The following FBXO9 variants were observed in gnomAD, a reference collection of about 807,000 sequenced individuals.
The protein encoded by FBXO9 is F-box protein 9, also known as F-box only protein 9.
FBXO9 carries 43 observed loss-of-function variants against 63.7 expected under a neutral mutation model. The observed-to-expected ratio is 0.67, with a 90% CI of 0.53 to 0.87. FBXO9 has a LOEUF of 0.87. Among genes scored for constraint, FBXO9 ranks in the 40% least tolerant of loss-of-function variants. FBXO9 has a pLI of 0.00. For missense variants in FBXO9, 442 were observed against 533.2 expected (o/e 0.83, Z 1.68); for synonymous variants, 156 against 171.7 (o/e 0.91, Z 0.72).
Position 53,076,518 on chromosome 6 carries a change from A to T in FBXO9, c.282A>T (p.Glu94Asp). 1 of 1,547,954 alleles carries T rather than the reference A, an allele frequency of 6.5e-7. No individual in the cohort carries two copies. The highest frequency in any genetic ancestry group is 1.3e-5 in the South Asian group (1 of 77,728). The change falls in exon 4 of 13, where the codon GAA becomes GAT. Residue 94 changes from glutamate to aspartate, a missense_variant. Physicochemically the swap from Glu to Asp is conservative, Grantham distance 45. Around this residue, in one of 2 missense-constraint regions of FBXO9, gnomAD observed 180 missense variants for 171.1 expected, o/e 1.05. Transcript: ENST00000323557. ...AACTCTTCCTAAAAGCAGTAGAAGA[A>T]GAACAAAATGGAGCTCTCTATGAAG... The part of the protein sequence containing the change: ...ARELFLKAVE[E>D]EQNGALYEAI...
chr6:53,097,238 TAAG>T (rs988721138), intron 12 of FBXO9, among the ~76,000 whole-genome samples: 3 of 152,320 alleles, frequency 2.0e-5, no homozygotes, highest in South Asian at 2.1e-4. Context: ...TGAAACATTT[TAAG>T]AAGAACCTAA....
At position 53,086,207 on chromosome 6, in the gene FBXO9, G is replaced by A. The variant is rs527985215; in HGVS notation, c.653+3589G>A. 2.6e-5 allele frequency among the ~76,000 whole-genome samples: 4 copies of A among 152,270 alleles called. No homozygotes were observed. The East Asian group carries it at 7.7e-4, about 29-fold the overall frequency. Reference sequence around the variant, plus strand: ...TTTTAGATTGGAAAGCCTTAATTTAGGATCTTGACTCTGGGGAAACCTGCC... The same window carrying A: ...TTTTAGATTGGAAAGCCTTAATTTAAGATCTTGACTCTGGGGAAACCTGCC... On this transcript the variant is annotated intron_variant, in intron 7 of 12. Transcript: ENST00000323557.
Position 53,078,825 on chromosome 6 carries a change from C to G in FBXO9, c.334C>G (p.Gln112Glu). 6.2e-7 allele frequency: 1 copy of G among 1,613,396 alleles called. No individual in the cohort carries two copies. The highest frequency in any genetic ancestry group is 8.5e-7 in the Non-Finnish European group (1 of 1,179,454). ...CATCAAGTTTTATCGTAGGGCTATG[C>G]AACTTGTACCTGATATAGAGTTCAA... Reference protein sequence around the residue: ...EAIKFYRRAMQLVPDIEFKIT... With the variant: ...EAIKFYRRAMELVPDIEFKIT... Residue 112 changes from glutamine (Q) to glutamate (E), a missense_variant, in exon 5 of 13, where the codon CAA (glutamine) becomes GAA (glutamate). By Grantham distance (29) the Gln-to-Glu change is conservative. Transcript: ENST00000323557.
intron 7 of FBXO9, among the ~76,000 whole-genome samples, chr6:53,088,345 AATG>A (rs1387697012): frequency 6.6e-6 from 1 of 152,206 alleles, no homozygotes. Context: ...CAGGTTTTTG[AATG>A]ATGATAATTT....
At chr6:53,096,662 T>TG (rs1436537110) in intron 12 of FBXO9, among the ~76,000 whole-genome samples, 1 of 152,164 alleles carries the variant, frequency 6.6e-6, no homozygotes, top group Non-Finnish European at 1.5e-5. Context: ...CCCAGGACTT[T>TG]GGGGGGCCAA....
chr6:53,086,440 A>AT (rs938204359), intron 7 of FBXO9, among the ~76,000 whole-genome samples: 2 of 150,760 alleles, frequency 1.3e-5, no homozygotes, highest in Non-Finnish European at 3.0e-5. Context: ...AAAACAATAA[A>AT]TTTTTTTTTT....
At chr6:53,068,975 A>G (rs939965463) in intron 1 of FBXO9, among the ~76,000 whole-genome samples, 1 of 152,132 alleles carries the variant, frequency 6.6e-6, no homozygotes, top group Non-Finnish European at 1.5e-5. Flanking sequence ...TAAGTGATCC[A>G]TGAAGCAAAA....
intron 10 of FBXO9, 44 bp from the exon 11 acceptor site, chr6:53,093,841 C>T (rs1467822243): frequency 2.9e-6 from 4 of 1,392,296 alleles, no homozygotes; most frequent in Non-Finnish European, 3.9e-6. Flanking sequence ...TACTTAAATC[C>T]ACTTAATAAC....
chr6:53,098,480 C>T lies in FBXO9; in HGVS notation c.*650C>T, dbSNP rs1452195983. ...CTCTAGCTGGGTGTGGTGGCATGCA[C>T]CTGTAGTCCCAGCTATTTGGGAGGC... On this transcript the variant is annotated 3_prime_UTR_variant, in exon 13 of 13. Coordinates refer to ENST00000323557, the MANE Select transcript of FBXO9 (RefSeq NM_033480.3). 1 of 152,426 alleles carries T rather than the reference C, an allele frequency of 6.6e-6. No homozygotes were observed. Among genetic ancestry groups the T allele is most frequent in the Non-Finnish European group, 1.5e-5 (1 of 68,228 alleles). 9.4% of individuals were successfully genotyped at this position (152,426 alleles called of 1,614,324 possible).
At position 53,092,857 on chromosome 6, in the gene FBXO9, TTCTC is replaced by T. The variant is rs757862433; in HGVS notation, c.863+40_863+43del. 7.2e-5 allele frequency: 104 copies of T among 1,436,030 alleles called. 1 individual carries two copies. The South Asian group carries it at 1.3e-3, about 18-fold the overall frequency. The allele number at this position is 1,436,030 out of a possible 1,614,324, so 89.0% of individuals were successfully genotyped here. A position where few individuals can be genotyped will look rare whatever the true frequency, so the allele number is the denominator to read the frequency against. On this transcript the variant is annotated intron_variant, in intron 9 of 12. Coordinates refer to ENST00000323557, the MANE Select transcript of FBXO9 (RefSeq NM_033480.3). ...TGTAGTACACTGAGTGAGTGGAAAA[TTCTC>T]TCTCTCCATGTATTAGTTAAATGGA... is the stretch of plus-strand genomic sequence containing the variant.
At chr6:53,066,956 A>G (rs1768725421) in intron 1 of FBXO9, among the ~76,000 whole-genome samples, 1 of 152,268 alleles carries the variant, frequency 6.6e-6, no homozygotes, top group Non-Finnish European at 1.5e-5. Context: ...AATCAAAGTA[A>G]GAATGGTTTA....
chr6:53,075,734 A>ATTTTTTTTTTTTTTTTTTTT lies in FBXO9; in HGVS notation c.250-750_250-749insTTTTTTTTTTTTTTTTTTTT, dbSNP rs761159029. Among the ~76,000 whole-genome samples the ATTTTTTTTTTTTTTTTTTTT allele has an allele frequency of 6.1e-5, 5 of 82,180 alleles. 1 individual carries two copies. Among genetic ancestry groups the ATTTTTTTTTTTTTTTTTTTT allele is most frequent in the South Asian group, 4.2e-4 (1 of 2,402 alleles). The allele number at this position is 82,180 out of a possible 152,430, so 53.9% of individuals were successfully genotyped here. A position where few individuals can be genotyped will look rare whatever the true frequency, so the allele number is the denominator to read the frequency against. ...TAATTGGATTACATATATATATATA[A>ATTTTTTTTTTTTTTTTTTTT]TTATTTTTTTTTTTTTTTTTTTTTT... On this transcript the variant is annotated intron_variant, in intron 3 of 12. Transcript: ENST00000323557.
intron 5 of FBXO9, 93 bp from the exon 6 acceptor site, chr6:53,080,875 G>T: frequency 6.9e-7 from 1 of 1,457,232 alleles, no homozygotes; most frequent in South Asian, 1.3e-5. Context: ...GTGACTTTTT[G>T]TAAAGCAAAT....
intron 5 of FBXO9, among the ~76,000 whole-genome samples, chr6:53,080,147 G>C (rs951446894): frequency 6.6e-6 from 1 of 151,696 alleles, no homozygotes; most frequent in Non-Finnish European, 1.5e-5. Flanking sequence ...AGTTCTTTAA[G>C]GATTCATCTT....
intron 1 of FBXO9, among the ~76,000 whole-genome samples, chr6:53,070,047 G>T (rs1255409345): frequency 7.5e-6 from 1 of 132,942 alleles, no homozygotes; most frequent in Non-Finnish European, 1.6e-5. Flanking sequence ...TTTTATGATG[G>T]GGTCTCTGTC....
intron 1 of FBXO9, among the ~76,000 whole-genome samples, chr6:53,066,367 GCGTCGGTGC>G (rs1247887753): frequency 2.0e-5 from 3 of 152,232 alleles, no homozygotes; most frequent in Admixed American, 2.0e-4. Flanking sequence ...CGTCTCCGCG[GCGTCGGTGC>G]CGTCCAAATG....
chr6:53,066,260 T>A, intron 1 of FBXO9: 1 of 473,592 alleles, frequency 2.1e-6, no homozygotes, highest in Non-Finnish European at 2.8e-6. Flanking sequence ...TGCCGGCACC[T>A]TGAGGAGCCC....
chr6:53,089,704 ATG>A (rs1421272243), intron 7 of FBXO9, among the ~76,000 whole-genome samples: 5 of 152,190 alleles, frequency 3.3e-5, no homozygotes, highest in African/African-American at 1.2e-4. Flanking sequence ...CTCAAAAGGG[ATG>A]TATGGTCCTT....
At chr6:53,081,350 C>T (rs948116863) in intron 6 of FBXO9, among the ~76,000 whole-genome samples, 18 of 152,238 alleles carry the variant, frequency 1.2e-4, no homozygotes, top group African/African-American at 4.3e-4. Flanking sequence ...CGGCTCACTG[C>T]AACCTCTGCC....
Sources: allele counts gnomAD v4.1 joint callset (sites outside exome capture counted in the v4.1 genomes callset), GRCh38; gene constraint gnomAD v4.1.1; regional missense constraint gnomAD v4.1.1; transcripts MANE v1.5; gene names NCBI Gene and HGNC (gene_info 2026-07-23, HGNC 2026-07-21).